NKAIN2: variants seen among roughly 807,000 people sequenced by gnomAD.
NKAIN2 encodes sodium/potassium-transporting ATPase subunit beta-1-interacting protein 2.
Under a neutral mutation model 32.6 loss-of-function variants are expected in NKAIN2, and 14 were observed. That is an observed-to-expected ratio of 0.43 (90% confidence interval 0.28 to 0.67). NKAIN2 has a LOEUF of 0.67. Ranked by LOEUF, NKAIN2 falls within the 30% of genes least tolerant of loss-of-function variation. The probability of loss-of-function intolerance (pLI) is 0.17; values close to 1 mark genes in which losing one functional copy is unlikely to be tolerated. For missense variants in NKAIN2, 198 were observed against 258.3 expected, an observed-to-expected ratio of 0.77 and a Z score of 1.60; for synonymous variants, 80 against 87.2, an observed-to-expected ratio of 0.92 and a Z score of 0.46.
At chr6:124,580,699 C>G (rs1781488286) in intron 3 of NKAIN2, among the ~76,000 whole-genome samples, 1 of 152,112 alleles carries the variant, frequency 6.6e-6, no homozygotes, top group Admixed American at 6.5e-5. Flanking sequence ...ACTCTTCAAT[C>G]AAAAGATGTA....
At chr6:124,050,204 G>T (rs1386116553) in intron 1 of NKAIN2, among the ~76,000 whole-genome samples, 1 of 151,986 alleles carries the variant, frequency 6.6e-6, no homozygotes, top group East Asian at 1.9e-4. Flanking sequence ...TTGACCCCAT[G>T]AAGTTTATAG....
At chr6:124,171,516 T>C (rs1393832433) in intron 1 of NKAIN2, among the ~76,000 whole-genome samples, 1 of 151,640 alleles carries the variant, frequency 6.6e-6, no homozygotes, top group African/African-American at 2.4e-5. Flanking sequence ...CATAAAACAA[T>C]GTTAAGTTTT....
At chr6:123,939,541 T>C (rs1296937202) in intron 1 of NKAIN2, among the ~76,000 whole-genome samples, 1 of 152,006 alleles carries the variant, frequency 6.6e-6, no homozygotes, top group Non-Finnish European at 1.5e-5. Context: ...ATACATAAAT[T>C]ATAAATGAAG....
chr6:124,204,115 C>T (rs1032954690), intron 1 of NKAIN2, among the ~76,000 whole-genome samples: 2 of 151,782 alleles, frequency 1.3e-5, no homozygotes, highest in Non-Finnish European at 2.9e-5. Context: ...TCTTATTACA[C>T]CTAAACTATA....
intron 1 of NKAIN2, among the ~76,000 whole-genome samples, chr6:123,910,499 G>GTTTTTTTTTTTTGTTTTTTT (rs1775118616): frequency 1.2e-5 from 1 of 81,314 alleles, no homozygotes; most frequent in African/African-American, 5.0e-5. Flanking sequence ...TGCAATGCAT[G>GTTTTTTTTTTTTGTTTTTTT]TTTTTTTTTT....
intron 3 of NKAIN2, among the ~76,000 whole-genome samples, chr6:124,435,604 C>T (rs1775408190): frequency 6.6e-6 from 1 of 152,056 alleles, no homozygotes; most frequent in Non-Finnish European, 1.5e-5. Context: ...GTGACTGAGC[C>T]AGGATTTGAC....
chr6:124,315,514 CA>C (rs1796913070), intron 2 of NKAIN2, among the ~76,000 whole-genome samples: 1 of 152,054 alleles, frequency 6.6e-6, no homozygotes, highest in Non-Finnish European at 1.5e-5. Context: ...ATTCATGGAT[CA>C]AAAGTTGCTA....
At chr6:124,325,146 T>A (rs1797361047) in intron 2 of NKAIN2, among the ~76,000 whole-genome samples, 1 of 152,094 alleles carries the variant, frequency 6.6e-6, no homozygotes, top group Admixed American at 6.6e-5. Context: ...ATTTAATTTA[T>A]TATTTAAAAG....
chr6:124,249,622 A>AGCAC (rs1244669982), intron 1 of NKAIN2, among the ~76,000 whole-genome samples: 1 of 148,186 alleles, frequency 6.7e-6, no homozygotes, highest in Non-Finnish European at 1.5e-5. Flanking sequence ...CTTTGGGGCC[A>AGCAC]GCACACACAC....
rs1375455189 is a variant in NKAIN2, at chr6:123,911,810, T to TAC, written c.54+107557_54+107558insCA. Among the ~76,000 whole-genome samples the TAC allele has an allele frequency of 1.1e-3, 103 of 94,286 alleles. 1 individual carries two copies. Among genetic ancestry groups the TAC allele is most frequent in the East Asian group, 3.0e-3 (12 of 3,942 alleles). The allele number at this position is 94,286 out of a possible 152,430, so 61.9% of individuals were successfully genotyped here. On this transcript the variant is annotated intron_variant, in intron 1 of 6. Transcript: ENST00000368417. ...ATATATATATATATATGTATATATA[T>TAC]ATACACACACACACACACACACACA...
At chr6:124,086,543 TAC>T (rs1261236351) in intron 1 of NKAIN2, among the ~76,000 whole-genome samples, 7 of 152,086 alleles carry the variant, frequency 4.6e-5, no homozygotes, top group African/African-American at 1.7e-4. Flanking sequence ...CAGTAACTAT[TAC>T]CAAGTGTGTA....
At chr6:124,342,835 A>ATTATTATTATTATTATTATTATTATTG (rs1429792655) in intron 2 of NKAIN2, among the ~76,000 whole-genome samples, 6 of 149,858 alleles carry the variant, frequency 4.0e-5, no homozygotes, top group East Asian at 2.0e-4. Flanking sequence ...TATTATTATT[A>ATTATTATTATTATTATTATTATTATTG]TTATTATTAT....
At chr6:123,930,302 C>G (rs1411041296) in intron 1 of NKAIN2, among the ~76,000 whole-genome samples, 1 of 151,424 alleles carries the variant, frequency 6.6e-6, no homozygotes, top group African/African-American at 2.4e-5. Flanking sequence ...TAGATATAGC[C>G]AGAGTAGGAT....
At chr6:124,362,611 A>T (rs1299385098) in intron 3 of NKAIN2, among the ~76,000 whole-genome samples, 1 of 152,076 alleles carries the variant, frequency 6.6e-6, no homozygotes, top group Admixed American at 6.6e-5. Context: ...TACCAGATTT[A>T]TGTCTTCAGT....
At chr6:124,215,114 T>G (rs1457880808) in intron 1 of NKAIN2, among the ~76,000 whole-genome samples, 1 of 151,990 alleles carries the variant, frequency 6.6e-6, no homozygotes, top group Admixed American at 6.6e-5. Context: ...AAAACAATAA[T>G]CATGGAACAT....
chr6:124,462,269 T>A (rs1776562328), intron 3 of NKAIN2, among the ~76,000 whole-genome samples: 1 of 151,922 alleles, frequency 6.6e-6, no homozygotes, highest in Non-Finnish European at 1.5e-5. Context: ...AAAAGCACCA[T>A]AATCTAATAA....
At chr6:123,938,550 ATT>A (rs1776664304) in intron 1 of NKAIN2, among the ~76,000 whole-genome samples, 1 of 136,262 alleles carries the variant, frequency 7.3e-6, no homozygotes. Flanking sequence ...TATATTATAT[ATT>A]TATATATTTT....
chr6:124,410,664 T>C (rs1415189669), intron 3 of NKAIN2, among the ~76,000 whole-genome samples: 3 of 152,336 alleles, frequency 2.0e-5, no homozygotes, highest in Admixed American at 2.0e-4. Flanking sequence ...GAAAAGAATG[T>C]ATATTCTATT....
At chr6:124,312,881 G>A (rs536065550) in intron 2 of NKAIN2, among the ~76,000 whole-genome samples, 85 of 152,198 alleles carry the variant, frequency 5.6e-4, no homozygotes, top group Non-Finnish European at 8.5e-4. Flanking sequence ...TTAAGTCAGA[G>A]AATACCTATG....
Sources: allele counts gnomAD v4.1 joint callset (sites outside exome capture counted in the v4.1 genomes callset), GRCh38; gene constraint gnomAD v4.1.1; transcripts MANE v1.5; gene names NCBI Gene and HGNC (gene_info 2026-07-23, HGNC 2026-07-21).